CIB2: variants seen among roughly 807,000 people sequenced by gnomAD.
CIB2 encodes calcium and integrin binding family member 2.
CIB2 carries 19 observed loss-of-function variants against 23.1 expected under a neutral mutation model. That is an observed-to-expected ratio of 0.82 (90% CI 0.57 to 1.21). The LOEUF (loss-of-function observed/expected upper bound fraction) is 1.21, where lower values mean the gene tolerates loss of function less well. Ranked by LOEUF, CIB2 falls within the 50% of genes most tolerant of loss-of-function variation. The pLI, the probability that CIB2 is intolerant of heterozygous loss-of-function variation, is 0.00. For synonymous variants in CIB2, 94 were observed against 91.7 expected (o/e 1.03, Z -0.14); for missense variants, 220 against 241.5 (o/e 0.91, Z 0.59).
Position 78,109,287 on chromosome 15 carries a change from G to A in CIB2, c.294C>T (p.Leu98=). The A allele has an allele frequency of 1.2e-6, 2 of 1,613,096 alleles. No homozygotes were observed. Among genetic ancestry groups the A allele is most frequent in the East Asian group, 2.2e-5 (1 of 44,822 alleles). The change falls in exon 4 of 6, where the codon CTC becomes CTT. Residue 98 remains leucine, a synonymous_variant. Transcript: ENST00000258930. The stretch of plus-strand genomic sequence containing the variant: ...TGAGCTCTCGGGGAGCCGACTCGCA[G>A]AGCACGGAAAACATGTCCACAAAGT... The part of the protein sequence containing the change: ...FNDFVDMFSV[L]CESAPRELKA...
chr15:78,121,776 C>G (rs2074322511), intron 2 of CIB2, among the ~76,000 whole-genome samples: 1 of 152,202 alleles, frequency 6.6e-6, no homozygotes, highest in African/African-American at 2.4e-5. Context: ...ATAAATTACC[C>G]AGTCTCAGGC....
intron 3 of CIB2, among the ~76,000 whole-genome samples, chr15:78,110,372 C>T (rs1359717741): frequency 3.3e-5 from 5 of 152,354 alleles, no homozygotes; most frequent in South Asian, 2.1e-4. Flanking sequence ...CTGGGCCAGA[C>T]GGGGTGCTGG....
intron 1 of CIB2, among the ~76,000 whole-genome samples, chr15:78,128,719 G>A (rs562126577): frequency 6.7e-6 from 1 of 148,346 alleles, no homozygotes; most frequent in African/African-American, 2.5e-5. Context: ...GGAAGAGAAA[G>A]AAAGAGATGA....
intron 1 of CIB2, among the ~76,000 whole-genome samples, chr15:78,125,023 C>T (rs891919459): frequency 2.0e-5 from 3 of 152,162 alleles, no homozygotes; most frequent in Non-Finnish European, 4.4e-5. Context: ...CTGCTGCTCC[C>T]TGGGAGTTAG....
At chr15:78,112,595 C>T (rs1015539630) in intron 2 of CIB2, among the ~76,000 whole-genome samples, 6 of 152,130 alleles carry the variant, frequency 3.9e-5, no homozygotes, top group Non-Finnish European at 8.8e-5. Context: ...CCATTAAGTG[C>T]TGCCATGGGT....
intron 1 of CIB2, among the ~76,000 whole-genome samples, chr15:78,129,113 C>T (rs965212926): frequency 2.6e-5 from 4 of 152,152 alleles, no homozygotes; most frequent in African/African-American, 9.6e-5. Flanking sequence ...GTGCACCCTG[C>T]CCAGGAAAGG....
At chr15:78,105,995 C>T (rs1387895837) in intron 4 of CIB2, 61 bp from the exon 5 acceptor site, 1 of 1,394,230 alleles carries the variant, frequency 7.2e-7, no homozygotes, top group Non-Finnish European at 1.0e-6. Context: ...GACCCCTACA[C>T]TATAGCTCTT....
intron 4 of CIB2, among the ~76,000 whole-genome samples, chr15:78,108,435 AG>A (rs1159579016): frequency 2.6e-5 from 4 of 151,990 alleles, no homozygotes; most frequent in Non-Finnish European, 2.9e-5. Flanking sequence ...AGGCCAGCAG[AG>A]GGGGTGAGCT....
intron 5 of CIB2, 45 bp from the exon 6 acceptor site, chr15:78,105,377 G>C (rs202201074): frequency 6.2e-7 from 1 of 1,612,906 alleles, no homozygotes; most frequent in Middle Eastern, 1.7e-4. Flanking sequence ...GCCCTGGGTC[G>C]GGCAGGTAAA....
chr15:78,127,243 C>T (rs1489631567), intron 1 of CIB2, among the ~76,000 whole-genome samples: 1 of 152,206 alleles, frequency 6.6e-6, no homozygotes, highest in African/African-American at 2.4e-5. Flanking sequence ...CCACTACACC[C>T]TCAGCTGCCC....
chr15:78,111,779 T>G (rs2141892531), intron 2 of CIB2, among the ~76,000 whole-genome samples: 1 of 152,242 alleles, frequency 6.6e-6, no homozygotes, highest in Admixed American at 6.5e-5. Flanking sequence ...GGCCATGGGT[T>G]GAGCCCAAGA....
chr15:78,126,261 G>C (rs1406227534), intron 1 of CIB2, among the ~76,000 whole-genome samples: 1 of 151,322 alleles, frequency 6.6e-6, no homozygotes, highest in Non-Finnish European at 1.5e-5. Flanking sequence ...TCCTGTCTCA[G>C]CCTTCCAAGT....
chr15:78,105,559 T>A (rs946437340), intron 5 of CIB2, 180 bp downstream of exon 5: 20 of 1,481,042 alleles, frequency 1.4e-5, no homozygotes, highest in Non-Finnish European at 1.4e-5. Flanking sequence ...GTCTTCAACC[T>A]TCCCCCTGCA....
intron 2 of CIB2, among the ~76,000 whole-genome samples, chr15:78,114,071 A>C (rs567571645): frequency 6.6e-6 from 1 of 152,312 alleles, no homozygotes; most frequent in South Asian, 2.1e-4. Flanking sequence ...AAGTTTCTCT[A>C]TCAGTAAAGC....
intron 2 of CIB2, among the ~76,000 whole-genome samples, chr15:78,119,659 TG>T (rs2074291735): frequency 6.6e-6 from 1 of 151,922 alleles, no homozygotes; most frequent in Non-Finnish European, 1.5e-5. Flanking sequence ...CTCCGCCTCC[TG>T]GGTCCCGGTT....
rs2074059908 is a variant in CIB2 at position 78,105,795 on chromosome 15, G to A, written c.486C>T (p.Gly162=). The change falls in exon 5 of 6, where the codon GGC becomes GGT. Residue 162 remains glycine, a synonymous_variant. Transcript: ENST00000258930. The part of the protein sequence containing the change: ...VIEEADLDGD[G]KLGFADFEDM... ...CCTCGAAGTCAGCAAAGCCCAGCTT[G>A]CCGTCACCGTCCAAGTCAGCCTCCT... The A allele has an allele frequency of 6.2e-7, 1 of 1,614,080 alleles. No individual in the cohort carries two copies. The highest frequency in any genetic ancestry group is 1.3e-5 in the African/African-American group (1 of 74,920).
chr15:78,113,516 T>C (rs1208974309), intron 2 of CIB2, among the ~76,000 whole-genome samples: 1 of 120,066 alleles, frequency 8.3e-6, no homozygotes, highest in Non-Finnish European at 1.7e-5. Flanking sequence ...AATTCATGCA[T>C]CTTCTTTCTT....
intron 1 of CIB2, among the ~76,000 whole-genome samples, chr15:78,129,618 G>A (rs979410272): frequency 1.8e-4 from 28 of 152,140 alleles, no homozygotes; most frequent in Middle Eastern, 3.2e-3. Flanking sequence ...GCCCACTAGT[G>A]CCCTTCCCTA....
chr15:78,113,447 G>A (rs956677358), intron 2 of CIB2, among the ~76,000 whole-genome samples: 1 of 152,092 alleles, frequency 6.6e-6, no homozygotes, highest in African/African-American at 2.4e-5. Context: ...CTTGCATAGA[G>A]GAAAACTACT....
Sources: allele counts gnomAD v4.1 joint callset (sites outside exome capture counted in the v4.1 genomes callset), GRCh38; gene constraint gnomAD v4.1.1; transcripts MANE v1.5; gene names NCBI Gene and HGNC (gene_info 2026-07-23, HGNC 2026-07-21).